SLC35F4: variants seen among roughly 807,000 people sequenced by gnomAD.
SLC35F4 encodes the protein chromosome 14 open reading frame 36.
In SLC35F4, 24 loss-of-function variants were observed where a neutral mutation model predicts 44.2. The ratio of observed to expected loss-of-function variants is 0.54; its 90% CI spans 0.39 to 0.76. The LOEUF (loss-of-function observed/expected upper bound fraction) is 0.76. Ranked by LOEUF, SLC35F4 falls within the 30% of genes least tolerant of loss-of-function variation. The probability of loss-of-function intolerance (pLI) is 0.00; values close to 1 mark genes in which losing one functional copy is unlikely to be tolerated. For synonymous variants in SLC35F4, 238 were observed against 223.6 expected (o/e 1.06, Z -0.57); for missense variants, 562 against 586.1 (o/e 0.96, Z 0.42).
chr14:57,781,169 T>C (rs147086167), intron 1 of SLC35F4, among the ~76,000 whole-genome samples: 292 of 152,276 alleles, frequency 1.9e-3, no homozygotes, highest in Middle Eastern at 0.014. Context: ...GCAATGCATC[T>C]GACAAAGGTC....
chr14:57,879,783 G>C (rs188816028), intron 1 of SLC35F4, among the ~76,000 whole-genome samples: 8 of 152,148 alleles, frequency 5.3e-5, no homozygotes, highest in Admixed American at 2.6e-4. Context: ...TGTGTTGCAA[G>C]GATTATTCAC....
chr14:57,623,201 A>C lies in SLC35F4; in HGVS notation c.104-29077T>G, dbSNP rs74505544. On this transcript the variant is annotated intron_variant, in intron 1 of 7. Coordinates refer to ENST00000556826, the MANE Select transcript of SLC35F4 (RefSeq NM_001306087.2). The stretch of plus-strand genomic sequence containing the variant: ...CCCAGATATTAAACCAACAAAGATC[A>C]AAAAAGACAAAGAAGGGCATTACAT... Among the ~76,000 whole-genome samples the C allele has an allele frequency of 1.5e-4, 23 of 152,368 alleles. No individual in the cohort carries two copies. The East Asian group carries it at 4.4e-3, about 29-fold the overall frequency.
chr14:57,572,080 A>C (rs1332617269), intron 4 of SLC35F4, 61 bp from the exon 5 acceptor site: 2 of 1,563,352 alleles, frequency 1.3e-6, no homozygotes, highest in Non-Finnish European at 1.7e-6. Context: ...TAGAGCAGGC[A>C]ATTCAAGACT....
At chr14:57,749,468 A>C (rs1464044887) in intron 1 of SLC35F4, among the ~76,000 whole-genome samples, 3 of 152,106 alleles carry the variant, frequency 2.0e-5, no homozygotes, top group African/African-American at 4.8e-5. Flanking sequence ...CACATGACTC[A>C]ATACATACTG....
At chr14:57,619,542 C>T (rs963701629) in intron 1 of SLC35F4, among the ~76,000 whole-genome samples, 5 of 152,068 alleles carry the variant, frequency 3.3e-5, no homozygotes, top group Admixed American at 6.6e-5. Flanking sequence ...GCCAAGGTCA[C>T]TAACATCAGA....
At chr14:57,865,113 G>T (rs113622796) in intron 1 of SLC35F4, among the ~76,000 whole-genome samples, 1 of 150,230 alleles carries the variant, frequency 6.7e-6, no homozygotes, top group Non-Finnish European at 1.5e-5. Flanking sequence ...CCAAGCTCTG[G>T]GGCTCGGAGA....
chr14:57,635,352 A>G (rs551562629), intron 1 of SLC35F4, among the ~76,000 whole-genome samples: 1 of 152,070 alleles, frequency 6.6e-6, no homozygotes, highest in East Asian at 1.9e-4. Flanking sequence ...AGGAGTACTC[A>G]CTGAAGTGCG....
At chr14:57,945,044 T>C (rs970496394) in intron 1 of SLC35F4, among the ~76,000 whole-genome samples, 1 of 151,962 alleles carries the variant, frequency 6.6e-6, no homozygotes, top group Non-Finnish European at 1.5e-5. Flanking sequence ...GTCCTCATTT[T>C]TCCTTTAAAA....
rs1342250034 is a variant in SLC35F4 at position 57,569,898 on chromosome 14, A to G, written c.1016T>C (p.Ile339Thr). ...FVSTLGFFNL[I>T]FISFTPVILY... ...GATGACTGGGGTGAAGGAGATGAAG[A>G]TCAAATTGAAGAAACCCAAGGTGGA... Residue 339 changes from isoleucine (I) to threonine (T), a missense_variant, in exon 6 of 8, where the codon ATC (isoleucine) becomes ACC (threonine). Coordinates refer to ENST00000556826, the MANE Select transcript of SLC35F4 (RefSeq NM_001306087.2). 6.2e-7 allele frequency: 1 copy of G among 1,612,834 alleles called. No individual in the cohort carries two copies. The highest frequency in any genetic ancestry group is 8.5e-7 in the Non-Finnish European group (1 of 1,179,490).
chr14:57,570,795 T>A (rs1319679390), intron 5 of SLC35F4, among the ~76,000 whole-genome samples: 2 of 152,232 alleles, frequency 1.3e-5, no homozygotes, highest in Non-Finnish European at 2.9e-5. Context: ...AGAGTGCCAT[T>A]CTGGTCATAT....
intron 1 of SLC35F4, among the ~76,000 whole-genome samples, chr14:57,686,332 A>T (rs1334187219): frequency 1.3e-5 from 2 of 152,152 alleles, no homozygotes; most frequent in African/African-American, 4.8e-5. Flanking sequence ...ATACTACTCA[A>T]GCTGTCCCTA....
At chr14:57,690,545 T>C (rs908467197) in intron 1 of SLC35F4, among the ~76,000 whole-genome samples, 3 of 151,622 alleles carry the variant, frequency 2.0e-5, no homozygotes, top group African/African-American at 7.3e-5. Flanking sequence ...GGGAAAGGGG[T>C]GGTGATGAGG....
At chr14:57,943,956 T>C (rs1405376146) in intron 1 of SLC35F4, among the ~76,000 whole-genome samples, 1 of 152,130 alleles carries the variant, frequency 6.6e-6, no homozygotes, top group Non-Finnish European at 1.5e-5. Context: ...ACCACGCCAA[T>C]GGGAGAGATG....
chr14:57,619,113 G>C (rs1201905131), intron 1 of SLC35F4, among the ~76,000 whole-genome samples: 1 of 152,160 alleles, frequency 6.6e-6, no homozygotes, highest in Non-Finnish European at 1.5e-5. Context: ...TGTGGGTTCA[G>C]CTTCAGCAGA....
At chr14:57,730,901 T>C (rs1321059855) in intron 1 of SLC35F4, among the ~76,000 whole-genome samples, 2 of 152,158 alleles carry the variant, frequency 1.3e-5, no homozygotes, top group Non-Finnish European at 2.9e-5. Flanking sequence ...CAGATCAAAA[T>C]GTCATATTAC....
At chr14:57,979,319 T>C (rs960995266) in intron 1 of SLC35F4, among the ~76,000 whole-genome samples, 3 of 152,210 alleles carry the variant, frequency 2.0e-5, no homozygotes, top group African/African-American at 4.8e-5. Context: ...TATGATAGAT[T>C]GGACTTCATG....
chr14:57,664,964 G>A (rs1389719270), intron 1 of SLC35F4, among the ~76,000 whole-genome samples: 1 of 152,090 alleles, frequency 6.6e-6, no homozygotes, highest in Non-Finnish European at 1.5e-5. Flanking sequence ...TTTCCAAGAA[G>A]GCAGGTGGGC....
chr14:57,565,070 C>G (rs1396855019), intron 7 of SLC35F4, among the ~76,000 whole-genome samples: 1 of 152,220 alleles, frequency 6.6e-6, no homozygotes, highest in Non-Finnish European at 1.5e-5. Context: ...CGTGTCAGCA[C>G]CTCATTCCTT....
Position 57,585,473 on chromosome 14 carries a change from T to G in SLC35F4, c.587+3743A>C, listed in dbSNP as rs1328645476. Among the ~76,000 whole-genome samples the G allele has an allele frequency of 5.3e-5, 8 of 152,108 alleles. No homozygotes were observed. In the East Asian group the frequency reaches 1.5e-3, roughly 29 times the overall value. On this transcript the variant is annotated intron_variant, in intron 3 of 7. Coordinates refer to ENST00000556826, the MANE Select transcript of SLC35F4 (RefSeq NM_001306087.2). ...CTCTTACCACTCCTATTCAACATAG[T>G]ATTGGAAGTTCTGGCCAGGGCGATC...
Sources: allele counts gnomAD v4.1 joint callset (sites outside exome capture counted in the v4.1 genomes callset), GRCh38; gene constraint gnomAD v4.1.1; transcripts MANE v1.5; gene names NCBI Gene and HGNC (gene_info 2026-07-23, HGNC 2026-07-21).